The following FAF1 variants were observed in gnomAD, a reference collection of about 807,000 sequenced individuals.
FAF1 encodes Fas associated factor 1.
Under a neutral mutation model 92.5 loss-of-function variants are expected in FAF1, and 25 were observed. That is an observed-to-expected ratio of 0.27 (90% CI 0.20 to 0.38). The LOEUF is 0.38. FAF1 is among the 10% of genes least tolerant of loss of function. The pLI is 1.00. For synonymous variants in FAF1, 234 were observed against 273.2 expected (o/e 0.86, Z 1.42); for missense variants, 636 against 793.3 (o/e 0.80, Z 2.38).
chr1:50,447,607 T>C (rs922334319), intron 18 of FAF1, among the ~76,000 whole-genome samples: 2 of 152,240 alleles, frequency 1.3e-5, no homozygotes, highest in Non-Finnish European at 2.9e-5. Flanking sequence ...CTGAATAGCC[T>C]GACTCTCAGG....
Position 50,776,579 on chromosome 1 carries a change from T to C in FAF1, c.367+11421A>G, listed in dbSNP as rs996584986. On this transcript the variant is annotated intron_variant, in intron 4 of 18. Transcript: ENST00000396153. ...CCATCAAAAAAAAGAACAAGGTTTT[T>C]CTGAAGTGATACACTATTCACTCAC... Among the ~76,000 whole-genome samples the C allele has an allele frequency of 3.3e-5, 5 of 152,118 alleles. No individual in the cohort carries two copies. The South Asian group carries it at 1.0e-3, about 31-fold the overall frequency.
chr1:50,635,629 T>C (rs1653975693), intron 8 of FAF1, among the ~76,000 whole-genome samples: 1 of 152,200 alleles, frequency 6.6e-6, no homozygotes, highest in South Asian at 2.1e-4. Context: ...TTTCACCATG[T>C]TGCCCAGGCT....
At chr1:50,621,874 T>C (rs968233855) in intron 8 of FAF1, among the ~76,000 whole-genome samples, 2 of 152,060 alleles carry the variant, frequency 1.3e-5, no homozygotes, top group Non-Finnish European at 2.9e-5. Flanking sequence ...CCTAGAAAGA[T>C]TCCCCTGCTG....
At chr1:50,727,749 T>G (rs1658722805) in intron 6 of FAF1, among the ~76,000 whole-genome samples, 1 of 152,198 alleles carries the variant, frequency 6.6e-6, no homozygotes, top group African/African-American at 2.4e-5. Context: ...ACCCTCAATC[T>G]GGGTGGGTAT....
chr1:50,753,152 T>C (rs1484181917), intron 4 of FAF1, among the ~76,000 whole-genome samples: 1 of 152,244 alleles, frequency 6.6e-6, no homozygotes, highest in Non-Finnish European at 1.5e-5. Flanking sequence ...ATGGTTTCCA[T>C]GTGCCCCTTG....
At chr1:50,493,423 A>G (rs1169916222) in intron 15 of FAF1, among the ~76,000 whole-genome samples, 3 of 152,196 alleles carry the variant, frequency 2.0e-5, no homozygotes, top group Non-Finnish European at 4.4e-5. Context: ...ACCAACTATG[A>G]GAGTAATCTT....
chr1:50,959,798 A>G lies in FAF1; in HGVS notation c.14T>C (p.Met5Thr), dbSNP rs768961921. The change falls in exon 1 of 19, where the codon ATG becomes ACG. Residue 5 changes from methionine to threonine, a missense_variant. Met to Thr is a moderately conservative substitution (Grantham distance 81, BLOSUM62 -1). Around this residue, in one of 2 missense-constraint regions of FAF1, gnomAD observed 317 missense variants for 342.4 expected, o/e 0.93. Coordinates refer to ENST00000396153, the MANE Select transcript of FAF1 (RefSeq NM_007051.3). The stretch of plus-strand genomic sequence containing the variant: ...ATCCGCCAGGATCATCTCCCGGTCC[A>G]TGTTGGACGCCATGGCGGCCGCCGA... Reference protein sequence around the residue: MASNMDREMILADFQ... With the variant: MASNTDREMILADFQ... 16 of 1,584,424 alleles carry G rather than the reference A, an allele frequency of 1.0e-5. No homozygotes were observed. The highest frequency in any genetic ancestry group is 1.7e-4 in the Middle Eastern group (1 of 5,994).
intron 18 of FAF1, among the ~76,000 whole-genome samples, chr1:50,464,893 T>C (rs1011117374): frequency 1.3e-5 from 2 of 152,226 alleles, no homozygotes; most frequent in African/African-American, 4.8e-5. Flanking sequence ...TGACTCCAAG[T>C]ATACAGAGGA....
At chr1:50,777,647 A>C (rs1365673229) in intron 4 of FAF1, among the ~76,000 whole-genome samples, 1 of 152,172 alleles carries the variant, frequency 6.6e-6, no homozygotes, top group Non-Finnish European at 1.5e-5. Context: ...TCAATCTGAA[A>C]TAAGAATGCA....
rs141519506 is a variant in FAF1, at chr1:50,638,735, C to T, written c.744+16707G>A. ...CTGGGATTACAGGCATGAGCCACCA[C>T]GCCCAGCCTAGCTATTGCTTTTTCA... is the stretch of plus-strand genomic sequence containing the variant. On this transcript the variant is annotated intron_variant, in intron 8 of 18. Transcript: ENST00000396153. Among the ~76,000 whole-genome samples the T allele has an allele frequency of 4.6e-3, 704 of 152,058 alleles. 4 individuals are homozygous for T. Among genetic ancestry groups the T allele is most frequent in the Non-Finnish European group, 6.8e-3 (463 of 68,020 alleles).
chr1:50,595,013 T>G (rs1265972173), intron 9 of FAF1, among the ~76,000 whole-genome samples: 1 of 151,928 alleles, frequency 6.6e-6, no homozygotes, highest in Non-Finnish European at 1.5e-5. Context: ...ACACTATCAC[T>G]GCATTTTTTA....
chr1:50,663,714 T>C (rs1363056912), intron 7 of FAF1, among the ~76,000 whole-genome samples: 1 of 151,686 alleles, frequency 6.6e-6, no homozygotes, highest in Non-Finnish European at 1.5e-5. Flanking sequence ...GAAGCACCGC[T>C]TTAGAATGTG....
intron 4 of FAF1, among the ~76,000 whole-genome samples, chr1:50,772,880 GA>G: frequency 6.6e-6 from 1 of 152,134 alleles, no homozygotes; most frequent in Middle Eastern, 3.4e-3. Flanking sequence ...AATATCATTA[GA>G]CACCCATTAA....
chr1:50,857,994 A>G lies in FAF1; in HGVS notation c.49T>C (p.Cys17Arg). The G allele has an allele frequency of 6.3e-7, 1 of 1,589,256 alleles. No homozygotes were observed. The highest frequency in any genetic ancestry group is 8.6e-7 in the Non-Finnish European group (1 of 1,168,402). ...REMILADFQACTGIENIDEAI... is the reference protein window; with the variant it reads ...REMILADFQARTGIENIDEAI... ...TCGTCAATGTTTTCAATGCCAGTAC[A>G]TGCCTGGAAAGAAAGTAAATAAGCA... The change falls in exon 2 of 19, where the codon TGT (cysteine) becomes CGT (arginine). Residue 17 changes from cysteine to arginine, a missense_variant. By Grantham distance (180) the Cys-to-Arg change is radical. Transcript: ENST00000396153.
intron 1 of FAF1, among the ~76,000 whole-genome samples, chr1:50,953,848 C>T (rs564927385): frequency 2.6e-5 from 4 of 152,172 alleles, no homozygotes; most frequent in African/African-American, 7.2e-5. Context: ...TTGTGTGTTA[C>T]AGAAAACATA....
intron 2 of FAF1, among the ~76,000 whole-genome samples, chr1:50,837,605 C>G (rs1406860726): frequency 6.6e-6 from 1 of 151,952 alleles, no homozygotes; most frequent in African/African-American, 2.4e-5. Context: ...TGTATAAACT[C>G]AAAGACAACA....
chr1:50,556,859 A>G lies in FAF1; in HGVS notation c.1268+10218T>C, dbSNP rs1649610853. 1.3e-5 allele frequency among the ~76,000 whole-genome samples: 2 copies of G among 151,654 alleles called. 1 individual carries two copies. The highest frequency in any genetic ancestry group is 4.1e-4 in the South Asian group (2 of 4,830). On this transcript the variant is annotated intron_variant, in intron 13 of 18. Transcript: ENST00000396153. ...TCTCAAACATAAAATAAAATAATAT[A>G]AAATAAAATAAAATAAAATAAATAA...
intron 2 of FAF1, among the ~76,000 whole-genome samples, chr1:50,805,568 C>A (rs1662161844): frequency 6.6e-6 from 1 of 152,212 alleles, no homozygotes; most frequent in Non-Finnish European, 1.5e-5. Context: ...CTCATTGTAA[C>A]ATCACATATG....
chr1:50,884,265 A>G (rs1347275439), intron 1 of FAF1, among the ~76,000 whole-genome samples: 1 of 152,172 alleles, frequency 6.6e-6, no homozygotes, highest in African/African-American at 2.4e-5. Flanking sequence ...CTGTAATCCC[A>G]GCACTTTGGG....
Sources: allele counts gnomAD v4.1 joint callset (sites outside exome capture counted in the v4.1 genomes callset), GRCh38; gene constraint gnomAD v4.1.1; regional missense constraint gnomAD v4.1.1; transcripts MANE v1.5; gene names NCBI Gene and HGNC (gene_info 2026-07-23, HGNC 2026-07-21).